AKAP6: variants seen among roughly 807,000 people sequenced by gnomAD.
AKAP6 encodes A-kinase anchor protein 6.
Under a neutral mutation model 188.5 loss-of-function variants are expected in AKAP6, and 58 were observed. The observed-to-expected ratio is 0.31, with a 90% CI of 0.25 to 0.38. The LOEUF (loss-of-function observed/expected upper bound fraction) is 0.38. AKAP6 is among the 10% of genes least tolerant of loss of function. AKAP6 has a pLI of 1.00. For missense variants in AKAP6, 2,710 were observed against 2,740.0 expected, an observed-to-expected ratio of 0.99 and a Z score of 0.24; for synonymous variants, 989 against 998.6, an observed-to-expected ratio of 0.99 and a Z score of 0.18.
At chr14:32,782,237 G>A (rs367957881) in intron 12 of AKAP6, among the ~76,000 whole-genome samples, 178 of 151,760 alleles carry the variant, frequency 1.2e-3, no homozygotes, top group African/African-American at 4.2e-3. Flanking sequence ...AAGGAAGAAA[G>A]GAAGAAAAGA....
At chr14:32,365,642 C>T (rs986470243) in intron 1 of AKAP6, among the ~76,000 whole-genome samples, 5 of 152,120 alleles carry the variant, frequency 3.3e-5, no homozygotes, top group Non-Finnish European at 4.4e-5. Context: ...GTACCGAAGT[C>T]GACTGTCAGA....
At chr14:32,524,969 A>G (rs1202747795) in intron 2 of AKAP6, among the ~76,000 whole-genome samples, 1 of 152,204 alleles carries the variant, frequency 6.6e-6, no homozygotes, top group Non-Finnish European at 1.5e-5. Context: ...GCAAGGTAAG[A>G]ACCACCACTG....
chr14:32,704,699 T>C (rs1269196656), intron 9 of AKAP6, among the ~76,000 whole-genome samples: 1 of 152,046 alleles, frequency 6.6e-6, no homozygotes, highest in Admixed American at 6.6e-5. Context: ...AAAAAGAGTA[T>C]CAAAATTTAA....
At position 32,329,785 on chromosome 14, in the gene AKAP6, C is replaced by T. The variant is rs980955387; in HGVS notation, c.-35+377C>T. Among the ~76,000 whole-genome samples the T allele has an allele frequency of 2.0e-5, 3 of 152,132 alleles. No individual in the cohort carries two copies. The South Asian group carries it at 6.2e-4, about 32-fold the overall frequency. ...GGGAGGCAGAGCTAATTGGCCCCCT[C>T]TTTGCTCTTGTGAATTATGAAATAT... is the stretch of plus-strand genomic sequence containing the variant. On this transcript the variant is annotated intron_variant, in intron 1 of 13. Coordinates refer to ENST00000280979, the MANE Select transcript of AKAP6 (RefSeq NM_004274.5).
At chr14:32,783,272 A>G in intron 12 of AKAP6, among the ~76,000 whole-genome samples, 1 of 152,122 alleles carries the variant, frequency 6.6e-6, no homozygotes, top group East Asian at 1.9e-4. Flanking sequence ...TAATTGACCT[A>G]AATGTAAAAT....
intron 12 of AKAP6, among the ~76,000 whole-genome samples, chr14:32,815,490 C>T (rs1242252488): frequency 6.6e-5 from 10 of 152,168 alleles, no homozygotes; most frequent in African/African-American, 2.4e-4. Flanking sequence ...ATGGGCCTTG[C>T]TGAGGACTGG....
intron 1 of AKAP6, chr14:32,385,156 A>AG (rs1421906904): frequency 6.6e-6 from 1 of 150,834 alleles, no homozygotes; most frequent in Non-Finnish European, 1.5e-5. Flanking sequence ...TGAAAAAAAA[A>AG]AGGGTAGATG....
intron 2 of AKAP6, among the ~76,000 whole-genome samples, chr14:32,534,705 C>G (rs550396113): frequency 2.4e-4 from 36 of 152,080 alleles, no homozygotes; most frequent in Admixed American, 1.8e-3. Context: ...GTGGCTCAGG[C>G]CTGTAATCCC....
intron 7 of AKAP6, among the ~76,000 whole-genome samples, chr14:32,646,991 C>T (rs1888011608): frequency 6.6e-6 from 1 of 152,096 alleles, no homozygotes; most frequent in African/African-American, 2.4e-5. Context: ...GGCACTACAA[C>T]TATTTTGATA....
intron 4 of AKAP6, among the ~76,000 whole-genome samples, chr14:32,570,299 T>C (rs1884420440): frequency 1.3e-5 from 1 of 76,616 alleles, no homozygotes; most frequent in Admixed American, 1.6e-4. Flanking sequence ...CCCAGCTGAT[T>C]TTTGTATTTT....
At chr14:32,741,001 A>T (rs1410696896) in intron 11 of AKAP6, among the ~76,000 whole-genome samples, 1 of 148,582 alleles carries the variant, frequency 6.7e-6, no homozygotes, top group Non-Finnish European at 1.5e-5. Context: ...ATGAAAATGG[A>T]GTGTCTTTCC....
At chr14:32,393,000 A>G (rs550887563) in intron 1 of AKAP6, among the ~76,000 whole-genome samples, 3 of 152,216 alleles carry the variant, frequency 2.0e-5, no homozygotes, top group Admixed American at 1.3e-4. Flanking sequence ...AAAACTGCCA[A>G]CCATTTATTA....
chr14:32,771,337 A>G (rs1420052204), intron 11 of AKAP6, among the ~76,000 whole-genome samples: 1 of 91,738 alleles, frequency 1.1e-5, no homozygotes, highest in Non-Finnish European at 2.2e-5. Context: ...GTGTTCATTT[A>G]AAGGAAAAAA....
chr14:32,571,580 T>C (rs1155069), intron 4 of AKAP6, among the ~76,000 whole-genome samples: 20,193 of 152,174 alleles, frequency 0.13, 1,513 homozygotes, highest in Admixed American at 0.21. Flanking sequence ...ATAGTTCACT[T>C]TTTTGATACT....
At chr14:32,710,581 T>C (rs1471684460) in intron 9 of AKAP6, among the ~76,000 whole-genome samples, 1 of 151,346 alleles carries the variant, frequency 6.6e-6, no homozygotes, top group Non-Finnish European at 1.5e-5. Context: ...GGGAGGGAGG[T>C]TGAGAACAAG....
chr14:32,745,719 G>A (rs570390665), intron 11 of AKAP6, among the ~76,000 whole-genome samples: 1 of 152,152 alleles, frequency 6.6e-6, no homozygotes, highest in Non-Finnish European at 1.5e-5. Flanking sequence ...GGCAGCAGGT[G>A]GCAAAGCCAG....
intron 1 of AKAP6, among the ~76,000 whole-genome samples, chr14:32,398,567 T>C (rs747595323): frequency 1.8e-4 from 28 of 152,234 alleles, no homozygotes; most frequent in Non-Finnish European, 2.4e-4. Context: ...ATCCACACCA[T>C]GTACTGAGGC....
At chr14:32,763,033 T>C (rs2032591153) in intron 11 of AKAP6, among the ~76,000 whole-genome samples, 2 of 152,138 alleles carry the variant, frequency 1.3e-5, no homozygotes, top group Non-Finnish European at 2.9e-5. Context: ...AATTTAGTGT[T>C]TGAATCTAGA....
chr14:32,391,202 A>G (rs1463209662), intron 1 of AKAP6, among the ~76,000 whole-genome samples: 2 of 152,184 alleles, frequency 1.3e-5, no homozygotes, highest in Admixed American at 1.3e-4. Context: ...CAAATAGCAG[A>G]TAACATGCAA....
Sources: gnomAD v4.1 joint callset for allele counts (sites outside exome capture counted in the v4.1 genomes callset) on GRCh38, gnomAD v4.1.1 for gene constraint, MANE v1.5 for transcripts, NCBI Gene and HGNC (gene_info 2026-07-23, HGNC 2026-07-21) for gene names.